Variants in AGPAT4 observed in about 807,000 individuals in gnomAD.
The protein encoded by AGPAT4 is 1-acyl-sn-glycerol-3-phosphate acyltransferase delta.
Under a neutral mutation model 48.0 loss-of-function variants are expected in AGPAT4, and 15 were observed. The observed-to-expected ratio is 0.31, with a 90% CI of 0.21 to 0.48. The LOEUF is 0.48. Ranked by LOEUF, AGPAT4 falls within the 20% of genes least tolerant of loss-of-function variation. AGPAT4 has a pLI of 0.99. For missense variants in AGPAT4, 314 were observed against 482.5 expected (o/e 0.65, Z 3.27); for synonymous variants, 178 against 198.7 (o/e 0.90, Z 0.88).
chr6:161,270,385 G>C lies in AGPAT4; in HGVS notation c.-90+3553C>G, dbSNP rs1032859937. On this transcript the variant is annotated intron_variant, in intron 1 of 8. Coordinates refer to ENST00000320285, the MANE Select transcript of AGPAT4 (RefSeq NM_020133.3). The surrounding 1 kb of genome is among the most constrained non-coding windows in gnomAD (Gnocchi z 5.3). ...TGAATTTGAGTTGCCCAAGCTCTAG[G>C]AAATGTTACATGATTATTATGATTA... Among the ~76,000 whole-genome samples the C allele has an allele frequency of 2.6e-5, 4 of 152,134 alleles. No individual in the cohort carries two copies. Among genetic ancestry groups the C allele is most frequent in the Admixed American group, 2.0e-4 (3 of 15,272 alleles).
rs553840321 is a variant in AGPAT4 at position 161,204,994 on chromosome 6, C to T, written c.178+27042G>A. ...TTGATGAAAAGACACTGGACAGAAA[C>T]CAGGAAGGAAGCCAGCCTCAGCCTC... On this transcript the variant is annotated intron_variant, in intron 2 of 8. Transcript: ENST00000320285. This position sits in a 1 kb window ranked among gnomAD's most constrained non-coding sequence, Gnocchi z 4.4. 8.5e-5 allele frequency among the ~76,000 whole-genome samples: 13 copies of T among 152,218 alleles called. 1 individual carries two copies. The South Asian group carries it at 2.7e-3, about 32-fold the overall frequency.
Position 161,242,713 on chromosome 6 carries a change from A to ACAGAAATG in AGPAT4, c.-89-10419_-89-10412dup. Reference sequence around the variant, plus strand: ...GAAAAATCCAATATGATAAATCCAAACAGAAATGAAAAAAATTAATCTTCC... The same window carrying ACAGAAATG: ...GAAAAATCCAATATGATAAATCCAAACAGAAATGCAGAAATGAAAAAAATTAATCTTCC... On this transcript the variant is annotated intron_variant, in intron 1 of 8. Transcript: ENST00000320285. This position sits in a 1 kb window ranked among gnomAD's most constrained non-coding sequence, Gnocchi z 5.0. Among the ~76,000 whole-genome samples the ACAGAAATG allele has an allele frequency of 6.6e-6, 1 of 152,322 alleles. No homozygotes were observed. The highest frequency in any genetic ancestry group is 2.1e-4 in the South Asian group (1 of 4,824).
chr6:161,228,439 G>A (rs1203125102), intron 2 of AGPAT4, among the ~76,000 whole-genome samples: 1 of 152,130 alleles, frequency 6.6e-6, no homozygotes, highest in Non-Finnish European at 1.5e-5. Flanking sequence ...CATAGAGCCT[G>A]TTCACAGCAA....
chr6:161,210,434 T>C (rs1781491074), intron 2 of AGPAT4, among the ~76,000 whole-genome samples: 1 of 152,208 alleles, frequency 6.6e-6, no homozygotes, highest in South Asian at 2.1e-4. Flanking sequence ...TATGAATCTA[T>C]AAGATGTACT....
rs1753075877 is a variant in AGPAT4, at chr6:161,200,733, G to A, written c.178+31303C>T. Among the ~76,000 whole-genome samples, 1 of 152,180 alleles carries A rather than the reference G, an allele frequency of 6.6e-6. No homozygotes were observed. The highest frequency in any genetic ancestry group is 6.5e-5 in the Admixed American group (1 of 15,280). On this transcript the variant is annotated intron_variant, in intron 2 of 8. Coordinates refer to ENST00000320285, the MANE Select transcript of AGPAT4 (RefSeq NM_020133.3). The surrounding 1 kb of genome is among the most constrained non-coding windows in gnomAD (Gnocchi z 5.5). ...ACAAGTGACATATTGGAATTCAAAT[G>A]AGGCTCCATCTGTTCCTGAAGCCAT...
chr6:161,153,383 C>T lies in AGPAT4; in HGVS notation c.627G>A (p.Lys209=), dbSNP rs1779647818. The change falls in exon 5 of 9, where the codon AAG becomes AAA. Residue 209 remains lysine, a synonymous_variant. Transcript: ENST00000320285. ...AGCTCCTCACGGTGATGGCGAAGCC[C>T]TTGGTTCGTGGCAACAGGTGATGCT... ...RLKHHLLPRT[K]GFAITVRSLR... The T allele has an allele frequency of 6.2e-7, 1 of 1,610,630 alleles. No homozygotes were observed. Among genetic ancestry groups the T allele is most frequent in the East Asian group, 2.2e-5 (1 of 44,814 alleles).
Position 161,232,356 on chromosome 6 carries a change from T to A in AGPAT4, c.-89-54A>T. The A allele has an allele frequency of 2.4e-6, 2 of 839,004 alleles. No individual in the cohort carries two copies. The highest frequency in any genetic ancestry group is 3.6e-6 in the Non-Finnish European group (2 of 558,974). 52.0% of individuals were successfully genotyped at this position (839,004 alleles called of 1,614,324 possible). A position where few individuals can be genotyped will look rare whatever the true frequency, so the allele number is the denominator to read the frequency against. On this transcript the variant is annotated intron_variant, in intron 1 of 8. Coordinates refer to ENST00000320285, the MANE Select transcript of AGPAT4 (RefSeq NM_020133.3). The surrounding 1 kb of genome is among the most constrained non-coding windows in gnomAD (Gnocchi z 6.8). Reference sequence around the variant, plus strand: ...GCAAAAACACGATGTGCTTTTAGAGTCAGAAAAAAAGTGCTCTGAAAAGAA... The same window carrying A: ...GCAAAAACACGATGTGCTTTTAGAGACAGAAAAAAAGTGCTCTGAAAAGAA...
At chr6:161,211,505 C>T (rs1451657691) in intron 2 of AGPAT4, among the ~76,000 whole-genome samples, 3 of 151,942 alleles carry the variant, frequency 2.0e-5, no homozygotes, top group African/African-American at 7.3e-5. Flanking sequence ...AGAAAAAAAT[C>T]TTGTATGGTA....
Position 161,165,847 on chromosome 6 carries a change from G to A in AGPAT4, c.348+401C>T, listed in dbSNP as rs895336885. 5.1e-6 allele frequency: 3 copies of A among 588,872 alleles called. No homozygotes were observed. Among genetic ancestry groups the A allele is most frequent in the African/African-American group, 3.7e-5 (2 of 53,876 alleles). 36.5% of individuals were successfully genotyped at this position (588,872 alleles called of 1,614,324 possible). A position where few individuals can be genotyped will look rare whatever the true frequency, so the allele number is the denominator to read the frequency against. ...AGGTGATGTCTGCCTGTTAGCCAAG[G>A]AGGCAGTAGAGCATGGAATTAAGAA... On this transcript the variant is annotated intron_variant, in intron 3 of 8. Transcript: ENST00000320285. The surrounding 1 kb of genome is among the most constrained non-coding windows in gnomAD (Gnocchi z 5.5).
At chr6:161,185,777 T>C (rs1780751305) in intron 2 of AGPAT4, among the ~76,000 whole-genome samples, 1 of 152,186 alleles carries the variant, frequency 6.6e-6, no homozygotes, top group African/African-American at 2.4e-5. Flanking sequence ...CCGCTGCCTC[T>C]TCTCTAGCAG....
chr6:161,189,442 A>G lies in AGPAT4; in HGVS notation c.179-23025T>C, dbSNP rs192562844. ...CGGGGTGAAGAGAGAACCCACATGT[A>G]TTGTACACACACTGTAGCCACACAG... On this transcript the variant is annotated intron_variant, in intron 2 of 8. Coordinates refer to ENST00000320285, the MANE Select transcript of AGPAT4 (RefSeq NM_020133.3). This position sits in a 1 kb window ranked among gnomAD's most constrained non-coding sequence, Gnocchi z 5.3. 3.5e-4 allele frequency among the ~76,000 whole-genome samples: 53 copies of G among 152,228 alleles called. 1 individual carries two copies. In the East Asian group the frequency reaches 9.5e-3, roughly 27 times the overall value.
Position 161,149,120 on chromosome 6 carries a change from G to A in AGPAT4, c.767+67C>T. On this transcript the variant is annotated intron_variant, in intron 6 of 8. Coordinates refer to ENST00000320285, the MANE Select transcript of AGPAT4 (RefSeq NM_020133.3). This position sits in a 1 kb window ranked among gnomAD's most constrained non-coding sequence, Gnocchi z 6.5. ...GGGATCCCTGGAAGAAAGTCTCTAG[G>A]TCATTTGTGATGTGTTTACTTTGAA... The A allele has an allele frequency of 6.4e-7, 1 of 1,560,364 alleles. No homozygotes were observed. The highest frequency in any genetic ancestry group is 8.6e-7 in the Non-Finnish European group (1 of 1,156,254).
chr6:161,214,792 T>A lies in AGPAT4; in HGVS notation c.178+17244A>T, dbSNP rs1781600418. On this transcript the variant is annotated intron_variant, in intron 2 of 8. Transcript: ENST00000320285. The surrounding 1 kb of genome is among the most constrained non-coding windows in gnomAD (Gnocchi z 5.4). ...TCAAAATAAATAAATAAATAAATAATAAAATAAACATAGAAAAGGCACAGC... is the reference window on the plus strand; with the variant it reads ...TCAAAATAAATAAATAAATAAATAAAAAAATAAACATAGAAAAGGCACAGC... Among the ~76,000 whole-genome samples the A allele has an allele frequency of 6.6e-6, 1 of 151,956 alleles. No homozygotes were observed. The highest frequency in any genetic ancestry group is 2.1e-4 in the South Asian group (1 of 4,822).
chr6:161,131,050 G>A lies in AGPAT4; in HGVS notation c.*5490C>T, dbSNP rs1321830879. On this transcript the variant is annotated 3_prime_UTR_variant, in exon 9 of 9. Coordinates refer to ENST00000320285, the MANE Select transcript of AGPAT4 (RefSeq NM_020133.3). ...TATTATGCAGCAATCTTAACTTTGTGTACATACCACTCACCTCCCTTAAAA... is the reference window on the plus strand; with the variant it reads ...TATTATGCAGCAATCTTAACTTTGTATACATACCACTCACCTCCCTTAAAA... 2 of 351,950 alleles carry A rather than the reference G, an allele frequency of 5.7e-6. No individual in the cohort carries two copies. Among genetic ancestry groups the A allele is most frequent in the Non-Finnish European group, 1.2e-5 (2 of 168,816 alleles). 21.8% of individuals were successfully genotyped at this position (351,950 alleles called of 1,614,324 possible).
rs1360360622 is a variant in AGPAT4 at position 161,202,279 on chromosome 6, G to A, written c.178+29757C>T. On this transcript the variant is annotated intron_variant, in intron 2 of 8. Transcript: ENST00000320285. This position sits in a 1 kb window ranked among gnomAD's most constrained non-coding sequence, Gnocchi z 5.4. The stretch of plus-strand genomic sequence containing the variant: ...AGATGTCAGCTGGGGCTTGCCTGAG[G>A]CTGGCAAGGTGGTGCTGGCTATTGG... Among the ~76,000 whole-genome samples the A allele has an allele frequency of 6.6e-6, 1 of 152,152 alleles. No individual in the cohort carries two copies. Among genetic ancestry groups the A allele is most frequent in the Non-Finnish European group, 1.5e-5 (1 of 68,036 alleles).
At chr6:161,263,201 G>A (rs747062449) in intron 1 of AGPAT4, among the ~76,000 whole-genome samples, 7 of 37,118 alleles carry the variant, frequency 1.9e-4, no homozygotes, top group Non-Finnish European at 3.3e-4. Flanking sequence ...CATTTCCCCC[G>A]GTGAGGAAAG....
In AGPAT4 at chr6:161,146,874, G is replaced by A. The variant is rs1403887313; in HGVS notation, c.768-275C>T. Among the ~76,000 whole-genome samples, 6 of 152,104 alleles carry A rather than the reference G, an allele frequency of 3.9e-5. No individual in the cohort carries two copies. Among genetic ancestry groups the A allele is most frequent in the African/African-American group, 1.4e-4 (6 of 41,422 alleles). On this transcript the variant is annotated intron_variant, in intron 6 of 8. Transcript: ENST00000320285. The surrounding 1 kb of genome is among the most constrained non-coding windows in gnomAD (Gnocchi z 7.1). Reference sequence around the variant, plus strand: ...GAACAGGGGACACCTGCCTCATTCCGTCTTCCCTCCCACCTCACAAAAAGG... The same window carrying A: ...GAACAGGGGACACCTGCCTCATTCCATCTTCCCTCCCACCTCACAAAAAGG...
chr6:161,150,902 T>C (rs1374266101), intron 5 of AGPAT4, among the ~76,000 whole-genome samples: 1 of 152,214 alleles, frequency 6.6e-6, no homozygotes, highest in East Asian at 1.9e-4. Flanking sequence ...TCAGCGGTTT[T>C]GACACCTCCT....
At position 161,202,806 on chromosome 6, in the gene AGPAT4, A is replaced by T. The variant is rs1313953363; in HGVS notation, c.178+29230T>A. ...AACCTTATGCCCCGTGAATGGGGAC[A>T]CTGACTTTTGGAGCCCTAAACTACC... On this transcript the variant is annotated intron_variant, in intron 2 of 8. Transcript: ENST00000320285. This position sits in a 1 kb window ranked among gnomAD's most constrained non-coding sequence, Gnocchi z 5.4. 6.6e-6 allele frequency among the ~76,000 whole-genome samples: 1 copy of T among 152,214 alleles called. No individual in the cohort carries two copies. Among genetic ancestry groups the T allele is most frequent in the Non-Finnish European group, 1.5e-5 (1 of 68,038 alleles).
Sources: gnomAD v4.1 joint callset for allele counts (sites outside exome capture counted in the v4.1 genomes callset) on GRCh38, gnomAD v4.1.1 for gene constraint, Gnocchi (gnomAD v3.1) non-coding constraint, MANE v1.5 for transcripts, NCBI Gene and HGNC (gene_info 2026-07-23, HGNC 2026-07-21) for gene names.